EDIL3: variants seen among roughly 807,000 people sequenced by gnomAD.
EDIL3 encodes the protein EGF-like repeat and discoidin I-like domain-containing protein 3.
A neutral mutation model predicts 67.4 loss-of-function variants in EDIL3; 37 were observed. The observed-to-expected ratio is 0.55, with a 90% CI of 0.42 to 0.72. EDIL3 has a LOEUF of 0.72. Among genes scored for constraint, EDIL3 ranks in the 30% least tolerant of loss-of-function variants. The probability of loss-of-function intolerance (pLI) is 0.00; values close to 1 mark genes in which losing one functional copy is unlikely to be tolerated. For missense variants in EDIL3, 527 were observed against 586.3 expected (o/e 0.90, Z 1.04); for synonymous variants, 195 against 196.3 (o/e 0.99, Z 0.05).
chr5:83,974,390 G>A (rs1744843402), intron 9 of EDIL3, among the ~76,000 whole-genome samples: 1 of 151,840 alleles, frequency 6.6e-6, no homozygotes, highest in Non-Finnish European at 1.5e-5. Flanking sequence ...AGAGAAGAGG[G>A]AGATGACTCA....
chr5:84,348,515 A>G (rs555918698), intron 1 of EDIL3, among the ~76,000 whole-genome samples: 7 of 151,988 alleles, frequency 4.6e-5, no homozygotes, highest in Non-Finnish European at 7.4e-5. Context: ...AAAACCTTCA[A>G]TGAGTCTCAC....
At chr5:84,209,587 T>C (rs562633787) in intron 3 of EDIL3, among the ~76,000 whole-genome samples, 2 of 151,940 alleles carry the variant, frequency 1.3e-5, no homozygotes, top group Non-Finnish European at 2.9e-5. Context: ...CAGTACACTA[T>C]GCCTATGTAG....
chr5:84,086,989 AC>A (rs1159023452), intron 6 of EDIL3, among the ~76,000 whole-genome samples: 4 of 151,976 alleles, frequency 2.6e-5, no homozygotes. Context: ...ATTCCTAGGA[AC>A]CACCATGTGA....
intron 9 of EDIL3, among the ~76,000 whole-genome samples, chr5:83,992,534 A>C (rs1398269350): frequency 6.6e-6 from 1 of 152,200 alleles, no homozygotes. Flanking sequence ...GAAGGCAAGC[A>C]AATAAACAGT....
chr5:84,151,267 A>T (rs1748384472), intron 4 of EDIL3, among the ~76,000 whole-genome samples: 1 of 134,508 alleles, frequency 7.4e-6, no homozygotes, highest in Non-Finnish European at 1.6e-5. Flanking sequence ...ACGCACATAC[A>T]CACACACACA....
chr5:84,291,680 A>G (rs1404109973), intron 1 of EDIL3, among the ~76,000 whole-genome samples: 5 of 147,302 alleles, frequency 3.4e-5, no homozygotes, highest in South Asian at 2.1e-4. Context: ...ATCTATCTAT[A>G]TAGATATATC....
intron 1 of EDIL3, among the ~76,000 whole-genome samples, chr5:84,286,838 C>T (rs1320086128): frequency 6.6e-6 from 1 of 152,146 alleles, no homozygotes; most frequent in African/African-American, 2.4e-5. Flanking sequence ...ATTCAAGGTT[C>T]CCAGTGGGGC....
intron 1 of EDIL3, among the ~76,000 whole-genome samples, chr5:84,313,983 G>A (rs1200761118): frequency 6.6e-6 from 1 of 152,076 alleles, no homozygotes; most frequent in Non-Finnish European, 1.5e-5. Flanking sequence ...ATCACCTGAA[G>A]TCAGGAGTTT....
chr5:84,301,256 G>A (rs2168657), intron 1 of EDIL3, among the ~76,000 whole-genome samples: 2,059 of 133,576 alleles, frequency 0.015, 55 homozygotes, highest in African/African-American at 0.055. Context: ...CAACAAGAGC[G>A]AAATTCTGTC....
At chr5:84,369,605 T>C (rs990172843) in intron 1 of EDIL3, among the ~76,000 whole-genome samples, 1 of 152,088 alleles carries the variant, frequency 6.6e-6, no homozygotes, top group African/African-American at 2.4e-5. Flanking sequence ...TGGGGAATTA[T>C]TGTTTAATGA....
At chr5:84,225,561 T>A (rs528544333) in intron 3 of EDIL3, among the ~76,000 whole-genome samples, 1 of 151,756 alleles carries the variant, frequency 6.6e-6, no homozygotes, top group African/African-American at 2.4e-5. Context: ...AAATCCATAT[T>A]ATTTTGTAGC....
chr5:84,330,662 T>A (rs953862916), intron 1 of EDIL3, among the ~76,000 whole-genome samples: 1 of 152,170 alleles, frequency 6.6e-6, no homozygotes, highest in Non-Finnish European at 1.5e-5. Flanking sequence ...TTATTTATAA[T>A]CCAGCCTGCA....
At chr5:84,189,775 T>A (rs535973817) in intron 3 of EDIL3, among the ~76,000 whole-genome samples, 1 of 152,168 alleles carries the variant, frequency 6.6e-6, no homozygotes, top group South Asian at 2.1e-4. Flanking sequence ...CTTCAAAACA[T>A]GCTGTCTAAT....
In EDIL3 at chr5:84,106,682, T is replaced by A. The variant is rs751925357; in HGVS notation, c.618A>T (p.Thr206=). The stretch of plus-strand genomic sequence containing the variant: ...ACGGCCATCTGTCATTTTCTGCAGC[T>A]GTCCACGCATTTATAAGCCCCTTCT... The part of the protein sequence containing the change: ...LNKKGLINAW[T]AAENDRWPWI... Residue 206 remains threonine (T), a synonymous_variant, in exon 6 of 11, where the codon ACA becomes ACT. Coordinates refer to ENST00000296591, the MANE Select transcript of EDIL3 (RefSeq NM_005711.5). 1.1e-5 allele frequency: 18 copies of A among 1,609,610 alleles called. No individual in the cohort carries two copies. In the Admixed American group the frequency reaches 1.7e-4, roughly 15 times the overall value.
chr5:84,211,735 C>T (rs554502462), intron 3 of EDIL3, among the ~76,000 whole-genome samples: 5 of 152,160 alleles, frequency 3.3e-5, no homozygotes, highest in African/African-American at 1.2e-4. Context: ...GAGAGCATGG[C>T]CTGGATTATG....
At chr5:84,138,621 G>A (rs348911) in intron 4 of EDIL3, among the ~76,000 whole-genome samples, 46,712 of 151,854 alleles carry the variant, frequency 0.31, 7,740 homozygotes, top group Non-Finnish European at 0.37. Context: ...AAGGAAACAA[G>A]GAAAAAAGTA....
In EDIL3 at chr5:84,106,731, T is replaced by C. The variant is rs1328994235; in HGVS notation, c.569A>G (p.Tyr190Cys). The C allele has an allele frequency of 2.5e-6, 4 of 1,613,532 alleles. No individual in the cohort carries two copies. Among genetic ancestry groups the C allele is most frequent in the Admixed American group, 3.3e-5 (2 of 59,952 alleles). The change falls in exon 6 of 11, where the codon TAT (tyrosine) becomes TGT (cysteine). Residue 190 changes from tyrosine (Y) to cysteine (C), a missense_variant. Tyr to Cys is a radical substitution (Grantham distance 194). Coordinates refer to ENST00000296591, the MANE Select transcript of EDIL3 (RefSeq NM_005711.5). ...HRALFGLQKW[Y>C]PYYARLNKKG... is the part of the protein sequence containing the mutation. Reference sequence around the variant, plus strand: ...CTTATTAAGACGTGCATAGTAGGGATACCATTTTTGGAGTCCAAAAAGAGC... The same window carrying C: ...CTTATTAAGACGTGCATAGTAGGGACACCATTTTTGGAGTCCAAAAAGAGC...
At chr5:84,311,872 G>T (rs955932880) in intron 1 of EDIL3, among the ~76,000 whole-genome samples, 1 of 152,124 alleles carries the variant, frequency 6.6e-6, no homozygotes, top group African/African-American at 2.4e-5. Context: ...GCACAGGGTT[G>T]GGGGTAGGGT....
intron 1 of EDIL3, among the ~76,000 whole-genome samples, chr5:84,378,631 G>C (rs1304679220): frequency 6.6e-6 from 1 of 152,118 alleles, no homozygotes; most frequent in Non-Finnish European, 1.5e-5. Flanking sequence ...ATCTATTTTT[G>C]TGGTCAGAAG....
Sources: gnomAD v4.1 joint callset for allele counts (sites outside exome capture counted in the v4.1 genomes callset) on GRCh38, gnomAD v4.1.1 for gene constraint, MANE v1.5 for transcripts, NCBI Gene and HGNC (gene_info 2026-07-23, HGNC 2026-07-21) for gene names.